Variants in SEC63 observed in about 807,000 individuals in gnomAD.
The protein encoded by SEC63 is SEC63 protein translocation regulator.
A neutral mutation model predicts 116.2 loss-of-function variants in SEC63; 56 were observed. The observed-to-expected ratio is 0.48, with a 90% confidence interval of 0.39 to 0.60. The LOEUF is 0.60. Among genes scored for constraint, SEC63 ranks in the 20% least tolerant of loss-of-function variants. The pLI is 0.00. For synonymous variants in SEC63, 273 were observed against 294.6 expected (o/e 0.93, Z 0.75); for missense variants, 668 against 900.0 (o/e 0.74, Z 3.30).
At chr6:107,944,186 T>C (rs1442109552) in intron 1 of SEC63, among the ~76,000 whole-genome samples, 4 of 151,838 alleles carry the variant, frequency 2.6e-5, no homozygotes, top group African/African-American at 4.8e-5. Flanking sequence ...AAAATGTAAA[T>C]AAAAAATAAA....
chr6:107,906,564 C>T lies in SEC63; in HGVS notation c.845G>A (p.Gly282Asp), dbSNP rs776539867. The change falls in exon 10 of 21, where the codon GGC becomes GAC. Residue 282 changes from glycine (G) to aspartate (D), a missense_variant. Physicochemically the swap from Gly to Asp is moderately conservative, Grantham distance 94. Around this residue, in one of 5 missense-constraint regions of SEC63, gnomAD observed 430 missense variants for 557.5 expected, o/e 0.77. Coordinates refer to ENST00000369002, the MANE Select transcript of SEC63 (RefSeq NM_007214.5). ...ILIPQLIREI[G>D]SINLKKNEPP... is the part of the protein sequence containing the mutation. Reference sequence around the variant, plus strand: ...CTCATTCTTCTTTAAATTAATGCTGCCAATTTCTCTGATTAGCTAGAATAA... The same window carrying T: ...CTCATTCTTCTTTAAATTAATGCTGTCAATTTCTCTGATTAGCTAGAATAA... 2.5e-6 allele frequency: 4 copies of T among 1,612,994 alleles called. No individual in the cohort carries two copies. The highest frequency in any genetic ancestry group is 3.3e-5 in the Admixed American group (2 of 60,006).
Position 107,893,905 on chromosome 6 carries a change from G to A in SEC63, c.1441-8C>T, listed in dbSNP as rs200086032. 9.3e-6 allele frequency: 15 copies of A among 1,613,590 alleles called. No homozygotes were observed. Among genetic ancestry groups the A allele is most frequent in the East Asian group, 6.7e-5 (3 of 44,876 alleles). On this transcript the variant is annotated splice_polypyrimidine_tract_variant and splice_region_variant and intron_variant, in intron 14 of 20. Coordinates refer to ENST00000369002, the MANE Select transcript of SEC63 (RefSeq NM_007214.5). ...CTCCTTTTCAAATACTTCCTGGGGG[G>A]CGGCAAGAAGAGAAATACAAAATCT...
intron 3 of SEC63, among the ~76,000 whole-genome samples, chr6:107,922,323 T>C (rs6909749): frequency 0.039 from 5,862 of 152,248 alleles, 358 homozygotes; most frequent in African/African-American, 0.13. Flanking sequence ...GGCCAACATA[T>C]AGTGAAACCC....
At chr6:107,950,328 GT>G (rs1770553247) in intron 1 of SEC63, among the ~76,000 whole-genome samples, 1 of 152,066 alleles carries the variant, frequency 6.6e-6, no homozygotes. Context: ...TACAATAATA[GT>G]TTCAGACTTC....
chr6:107,873,610 A>G (rs1303697413), intron 19 of SEC63, among the ~76,000 whole-genome samples: 3 of 140,394 alleles, frequency 2.1e-5, no homozygotes, highest in Non-Finnish European at 4.6e-5. Context: ...TGGCCTAACT[A>G]TAACACAAAC....
chr6:107,903,237 AT>A (rs1160471245), intron 11 of SEC63, among the ~76,000 whole-genome samples: 8 of 152,196 alleles, frequency 5.3e-5, no homozygotes, highest in African/African-American at 1.9e-4. Context: ...CTCACCTCAA[AT>A]AATAGTAAAT....
At chr6:107,880,470 G>A (rs1345955457) in intron 18 of SEC63, among the ~76,000 whole-genome samples, 1 of 152,236 alleles carries the variant, frequency 6.6e-6, no homozygotes, top group Non-Finnish European at 1.5e-5. Context: ...AAGGTAATTT[G>A]AAAGATGAAC....
intron 1 of SEC63, among the ~76,000 whole-genome samples, chr6:107,935,229 G>C (rs1437351355): frequency 6.7e-6 from 1 of 149,666 alleles, no homozygotes. Context: ...GCCTCTGCCC[G>C]GCCGCCCCTA....
At chr6:107,936,141 G>A (rs912258001) in intron 1 of SEC63, among the ~76,000 whole-genome samples, 1 of 152,216 alleles carries the variant, frequency 6.6e-6, no homozygotes, top group Admixed American at 6.5e-5. Flanking sequence ...ATGTTCTACT[G>A]TTCCTGGCCA....
chr6:107,893,279 C>T (rs771110101), intron 16 of SEC63, among the ~76,000 whole-genome samples: 2 of 151,766 alleles, frequency 1.3e-5, no homozygotes. Context: ...TAATCTATGG[C>T]GATTATAGAC....
intron 13 of SEC63, among the ~76,000 whole-genome samples, chr6:107,899,945 C>T (rs1444146277): frequency 2.0e-5 from 3 of 152,166 alleles, no homozygotes; most frequent in Non-Finnish European, 4.4e-5. Context: ...ACATATGCTA[C>T]ACTCCAGCCA....
intron 4 of SEC63, among the ~76,000 whole-genome samples, chr6:107,915,014 A>C (rs2114464609): frequency 6.6e-6 from 1 of 152,306 alleles, no homozygotes; most frequent in East Asian, 1.9e-4. Flanking sequence ...CAATCTAATA[A>C]AATAAGTCAG....
In SEC63 at chr6:107,889,491, TATTA is replaced by T. The variant is rs1241594235; in HGVS notation, c.1674+3987_1674+3990del. On this transcript the variant is annotated intron_variant, in intron 16 of 20. Transcript: ENST00000369002. The stretch of plus-strand genomic sequence containing the variant: ...TTTGATTCTTCTCTCTTTTATTCTT[TATTA>T]GTCTGGCTAGTGATCTATTTTGTTA... Among the ~76,000 whole-genome samples the T allele has an allele frequency of 4.6e-5, 7 of 152,286 alleles. No individual in the cohort carries two copies. The East Asian group carries it at 1.3e-3, about 29-fold the overall frequency.
In SEC63 at chr6:107,904,659, G is replaced by A; in HGVS notation, c.1024C>T (p.Gln342Ter). ...LLQEMVNVICQLIVMARNREE... is the reference protein window; with the variant it reads ...LLQEMVNVIC ...CGGTTCCGGGCCATTACTATTAGTT[G>A]GCAGATTACATTAACCATTTCTTGA... The change falls in exon 11 of 21, where the codon CAA (glutamine) becomes TAA (stop). Residue 342 changes from glutamine (Q) to a stop codon, truncating the protein, a stop_gained. Transcript: ENST00000369002. LOFTEE classifies it high-confidence loss of function. The A allele has an allele frequency of 6.2e-7, 1 of 1,613,242 alleles. No individual in the cohort carries two copies. The highest frequency in any genetic ancestry group is 8.5e-7 in the Non-Finnish European group (1 of 1,179,302).
chr6:107,957,896 A>T lies in SEC63; in HGVS notation c.114T>A (p.Asp38Glu), dbSNP rs1770744481. Reference sequence around the variant, plus strand: ...GCCGGCGGGACTCACCGGCATTCTGATCTCGGGGCCAGAGGTAGTATGTCG... The same window carrying T: ...GCCGGCGGGACTCACCGGCATTCTGTTCTCGGGGCCAGAGGTAGTATGTCG... ...IPATYYLWPR[D>E]QNAEQIRLKN... The change falls in exon 1 of 21, where the codon GAT becomes GAA. Residue 38 changes from aspartate to glutamate, a missense_variant. Coordinates refer to ENST00000369002, the MANE Select transcript of SEC63 (RefSeq NM_007214.5). 1 of 1,611,890 alleles carries T rather than the reference A, an allele frequency of 6.2e-7. No individual in the cohort carries two copies. The highest frequency in any genetic ancestry group is 8.5e-7 in the Non-Finnish European group (1 of 1,179,062).
chr6:107,912,022 G>A (rs1051582957), intron 6 of SEC63, among the ~76,000 whole-genome samples: 2 of 152,144 alleles, frequency 1.3e-5, no homozygotes, highest in African/African-American at 4.8e-5. Flanking sequence ...AGCTTATGCA[G>A]CAACTGTATA....
In SEC63 at chr6:107,871,859, A is replaced by C. The variant is rs1159238847; in HGVS notation, c.2140-12T>G. On this transcript the variant is annotated splice_polypyrimidine_tract_variant and intron_variant, in intron 20 of 20. Transcript: ENST00000369002. The stretch of plus-strand genomic sequence containing the variant: ...TCATGAACTTCCAACTAGAAAGAAG[A>C]ATTAAATGTAGACATCAGAAATTTG... 6.2e-7 allele frequency: 1 copy of C among 1,613,056 alleles called. No individual in the cohort carries two copies. The highest frequency in any genetic ancestry group is 1.7e-5 in the Admixed American group (1 of 60,026).
chr6:107,949,869 C>G (rs952726708), intron 1 of SEC63, among the ~76,000 whole-genome samples: 1 of 152,184 alleles, frequency 6.6e-6, no homozygotes, highest in African/African-American at 2.4e-5. Flanking sequence ...CTCCTGGACT[C>G]AAGTGTTCCT....
intron 1 of SEC63, among the ~76,000 whole-genome samples, chr6:107,947,702 C>T (rs1012233679): frequency 8.6e-5 from 13 of 151,880 alleles, no homozygotes; most frequent in Middle Eastern, 3.4e-3. Flanking sequence ...TCAAAATCTG[C>T]ACTCCACTCT....
Sources: allele counts gnomAD v4.1 joint callset (sites outside exome capture counted in the v4.1 genomes callset), GRCh38; gene constraint gnomAD v4.1.1; regional missense constraint gnomAD v4.1.1; transcripts MANE v1.5; gene names NCBI Gene and HGNC (gene_info 2026-07-23, HGNC 2026-07-21).